PEAK1: variants seen among roughly 807,000 people sequenced by gnomAD.
PEAK1 encodes inactive tyrosine-protein kinase PEAK1.
PEAK1 carries 54 observed loss-of-function variants against 124.7 expected under a neutral mutation model. That is an observed-to-expected ratio of 0.43 (90% confidence interval 0.35 to 0.54). The LOEUF is 0.54. Ranked by LOEUF, PEAK1 falls within the 20% of genes least tolerant of loss-of-function variation. The probability of loss-of-function intolerance (pLI) is 0.01; values close to 1 mark genes in which losing one functional copy is unlikely to be tolerated. For missense variants in PEAK1, 2,046 were observed against 2,134.5 expected (o/e 0.96, Z 0.82); for synonymous variants, 719 against 760.0 (o/e 0.95, Z 0.89).
chr15:77,226,088 T>TATATA (rs2059661713), intron 6 of PEAK1, among the ~76,000 whole-genome samples: 7 of 125,838 alleles, frequency 5.6e-5, no homozygotes, highest in Non-Finnish European at 6.6e-5. Context: ...TATATATATA[T>TATATA]TACACACACA....
chr15:77,137,025 G>A (rs2053393302), intron 8 of PEAK1, among the ~76,000 whole-genome samples: 1 of 152,244 alleles, frequency 6.6e-6, no homozygotes, highest in Non-Finnish European at 1.5e-5. Context: ...CCACTGTAGA[G>A]CTCAGGCTGT....
intron 7 of PEAK1, among the ~76,000 whole-genome samples, chr15:77,167,712 AGT>A (rs1404281618): frequency 6.6e-6 from 1 of 152,250 alleles, no homozygotes; most frequent in Non-Finnish European, 1.5e-5. Flanking sequence ...GGATTCTCTT[AGT>A]AAAAAGGAGA....
At chr15:77,409,601 A>G (rs1449770432) in intron 1 of PEAK1, among the ~76,000 whole-genome samples, 2 of 152,238 alleles carry the variant, frequency 1.3e-5, no homozygotes, top group East Asian at 3.8e-4. Flanking sequence ...GGAGATGGCA[A>G]AAAGCAGAAA....
chr15:77,256,929 A>C (rs1445242633), intron 5 of PEAK1, among the ~76,000 whole-genome samples: 1 of 121,018 alleles, frequency 8.3e-6, no homozygotes, highest in Admixed American at 1.2e-4. Flanking sequence ...TCCTGTGTCC[A>C]TGTGTTCTCA....
At chr15:77,263,839 A>G (rs1174727050) in intron 5 of PEAK1, among the ~76,000 whole-genome samples, 1 of 152,172 alleles carries the variant, frequency 6.6e-6, no homozygotes, top group Admixed American at 6.6e-5. Context: ...CCTGATGAAC[A>G]TCGATGCAAA....
At chr15:77,299,104 A>G (rs1290527642) in intron 2 of PEAK1, among the ~76,000 whole-genome samples, 1 of 152,212 alleles carries the variant, frequency 6.6e-6, no homozygotes. Context: ...TTCCAAGGTT[A>G]TTTATAAGAT....
At chr15:77,193,630 C>T (rs2057956656) in intron 6 of PEAK1, among the ~76,000 whole-genome samples, 1 of 152,124 alleles carries the variant, frequency 6.6e-6, no homozygotes, top group Non-Finnish European at 1.5e-5. Context: ...ATGGCGAAAC[C>T]CCGTCTCTAC....
rs186442313 is a variant in PEAK1, at chr15:77,317,050, C to T, written c.-602-30546G>A. ...GAACCAAGATGGCACCACTGCACTC[C>T]AGCCTGGGTGACAGAGCAAGACTCT... is the stretch of plus-strand genomic sequence containing the variant. On this transcript the variant is annotated intron_variant, in intron 2 of 9. Coordinates refer to ENST00000682557, the MANE Select transcript of PEAK1 (RefSeq NM_001385026.1). Among the ~76,000 whole-genome samples the T allele has an allele frequency of 6.7e-3, 1,025 of 152,206 alleles. 7 individuals carry two copies. Among genetic ancestry groups the T allele is most frequent in the Non-Finnish European group, 0.011 (781 of 68,014 alleles).
At chr15:77,373,623 A>G (rs1157148081) in intron 1 of PEAK1, among the ~76,000 whole-genome samples, 1 of 152,210 alleles carries the variant, frequency 6.6e-6, no homozygotes, top group Non-Finnish European at 1.5e-5. Context: ...AGGTAAAACA[A>G]GAAAGCCTGA....
intron 6 of PEAK1, among the ~76,000 whole-genome samples, chr15:77,225,065 A>G (rs566828947): frequency 9.9e-5 from 15 of 152,144 alleles, no homozygotes; most frequent in African/African-American, 3.6e-4. Context: ...ATTTTTCAGC[A>G]TATCAAACCC....
chr15:77,412,707 T>C (rs2072512680), intron 1 of PEAK1, among the ~76,000 whole-genome samples: 1 of 152,110 alleles, frequency 6.6e-6, no homozygotes, highest in East Asian at 1.9e-4. Flanking sequence ...CATCCAGATC[T>C]TGGCTTCAAA....
chr15:77,146,100 G>A lies in PEAK1; in HGVS notation c.3332-12350C>T, dbSNP rs565505930. ...ACCATCGCCTCCACTAGTGCATAGCGGGGAATACAAAGAGTTTATAAACCA... is the reference window on the plus strand; with the variant it reads ...ACCATCGCCTCCACTAGTGCATAGCAGGGAATACAAAGAGTTTATAAACCA... On this transcript the variant is annotated intron_variant, in intron 8 of 9. Transcript: ENST00000682557. Among the ~76,000 whole-genome samples the A allele has an allele frequency of 6.7e-4, 102 of 152,292 alleles. 1 individual carries two copies. Among genetic ancestry groups the A allele is most frequent in the African/African-American group, 2.4e-3 (99 of 41,558 alleles).
At chr15:77,102,903 T>C (rs2050708769) in exon 7 of PEAK1, 2 of 152,172 alleles carry the variant, frequency 1.3e-5, no homozygotes, top group East Asian at 1.9e-4. Context: ...AAAAAACCCA[T>C]TGAGATTTAA....
intron 6 of PEAK1, among the ~76,000 whole-genome samples, chr15:77,189,167 C>CTCCA (rs2057703081): frequency 6.6e-6 from 1 of 152,166 alleles, no homozygotes; most frequent in Admixed American, 6.5e-5. Flanking sequence ...CGCCACTGCA[C>CTCCA]TCCAGCCTAG....
intron 1 of PEAK1, among the ~76,000 whole-genome samples, chr15:77,388,047 G>A (rs2070105629): frequency 6.6e-6 from 1 of 152,078 alleles, no homozygotes; most frequent in African/African-American, 2.4e-5. Context: ...GCTGAAATTA[G>A]CTGGGCGTGG....
chr15:77,407,164 A>C (rs1435427538), intron 1 of PEAK1, among the ~76,000 whole-genome samples: 1 of 152,226 alleles, frequency 6.6e-6, no homozygotes, highest in Non-Finnish European at 1.5e-5. Flanking sequence ...AACGATAAAA[A>C]TTCTAAAAGA....
chr15:77,224,839 T>G (rs2059556715), intron 6 of PEAK1, among the ~76,000 whole-genome samples: 1 of 151,996 alleles, frequency 6.6e-6, no homozygotes, highest in South Asian at 2.1e-4. Flanking sequence ...TCATGAAATC[T>G]GGATGATTTT....
chr15:77,266,689 G>A (rs1181763691), intron 5 of PEAK1, among the ~76,000 whole-genome samples: 2 of 152,282 alleles, frequency 1.3e-5, no homozygotes, highest in Admixed American at 6.5e-5. Flanking sequence ...TATTTTACAA[G>A]GGAGGAAAAA....
intron 2 of PEAK1, chr15:77,347,227 C>A (rs1257071523): frequency 1.0e-6 from 1 of 984,608 alleles, no homozygotes; most frequent in Non-Finnish European, 1.2e-6. Flanking sequence ...ACGGCCATTT[C>A]AAAGTTATCT....
Sources: allele counts gnomAD v4.1 joint callset (sites outside exome capture counted in the v4.1 genomes callset), GRCh38; gene constraint gnomAD v4.1.1; transcripts MANE v1.5; gene names NCBI Gene and HGNC (gene_info 2026-07-23, HGNC 2026-07-21).